The following NEK1 variants were observed in gnomAD, a reference collection of about 807,000 sequenced individuals.
NEK1 encodes serine/threonine-protein kinase Nek1.
In NEK1, 137 loss-of-function variants were observed where a neutral mutation model predicts 182.1. The ratio of observed to expected loss-of-function variants is 0.75; its 90% CI spans 0.65 to 0.87. NEK1 has a LOEUF of 0.87. NEK1 is among the 40% of genes least tolerant of loss of function. The probability of loss-of-function intolerance (pLI) is 0.00; values close to 1 mark genes in which losing one functional copy is unlikely to be tolerated. For synonymous variants in NEK1, 513 were observed against 492.2 expected (o/e 1.04, Z -0.56); for missense variants, 1,391 against 1,494.4 (o/e 0.93, Z 1.14).
chr4:169,424,740 T>G lies in NEK1; in HGVS notation c.3035A>C (p.Glu1012Ala), dbSNP rs375212680. The change falls in exon 31 of 36, where the codon GAA becomes GCA. Residue 1012 changes from glutamate (E) to alanine (A), a missense_variant. This residue lies in a region of NEK1 where 1,216 missense variants were observed against 1,277.6 expected (regional missense o/e 0.95). Coordinates refer to ENST00000507142, the MANE Select transcript of NEK1 (RefSeq NM_001199397.3). ...ATGAACCACCTTATGGAAAAATGGT[T>G]CCGGTTGCACAGACTTATCTACATC... ...KCDVDKSVQPEPFFHKVVHSE... is the reference protein window; with the variant it reads ...KCDVDKSVQPAPFFHKVVHSE... The G allele has an allele frequency of 2.5e-5, 40 of 1,613,734 alleles. No homozygotes were observed. In the African/African-American group the frequency reaches 4.4e-4, roughly 18 times the overall value.
intron 2 of NEK1, among the ~76,000 whole-genome samples, chr4:169,606,874 G>T (rs1560798747): frequency 6.6e-6 from 1 of 152,212 alleles, no homozygotes; most frequent in Admixed American, 6.5e-5. Flanking sequence ...CCGAAAGGTG[G>T]AAACATACTA....
intron 27 of NEK1, among the ~76,000 whole-genome samples, chr4:169,449,316 A>G (rs1426977062): frequency 6.6e-6 from 1 of 152,236 alleles, no homozygotes; most frequent in African/African-American, 2.4e-5. Flanking sequence ...TTCTCCCAGC[A>G]TGGTGCTTGA....
At chr4:169,477,543 T>A in intron 24 of NEK1, 46 bp from the exon 25 acceptor site, 1 of 1,362,162 alleles carries the variant, frequency 7.3e-7, no homozygotes, top group Non-Finnish European at 1.0e-6. Flanking sequence ...TTTATTTTTT[T>A]AAATCTACCT....
intron 12 of NEK1, among the ~76,000 whole-genome samples, chr4:169,574,423 G>A (rs907542145): frequency 4.0e-5 from 6 of 151,770 alleles, no homozygotes; most frequent in East Asian, 1.9e-4. Flanking sequence ...GTGAAACCCC[G>A]TCTCTAATAA....
In NEK1 at chr4:169,398,818, T is replaced by C. The variant is rs186444468; in HGVS notation, c.3847+1407A>G. Among the ~76,000 whole-genome samples the C allele has an allele frequency of 2.6e-5, 4 of 152,336 alleles. No homozygotes were observed. In the East Asian group the frequency reaches 5.8e-4, roughly 22 times the overall value. On this transcript the variant is annotated intron_variant, in intron 35 of 35. Coordinates refer to ENST00000507142, the MANE Select transcript of NEK1 (RefSeq NM_001199397.3). ...CAAATACATTTTATAAACATTTTTA[T>C]TGCTAAAATTAAGCATCAACATTTA...
intron 19 of NEK1, 84 bp downstream of exon 19, chr4:169,537,725 C>CG: frequency 9.7e-7 from 1 of 1,029,364 alleles, no homozygotes; most frequent in Non-Finnish European, 1.5e-6. Flanking sequence ...GACTGTCATT[C>CG]TTTTTACTTA....
At chr4:169,429,294 A>G (rs1736991744) in intron 29 of NEK1, among the ~76,000 whole-genome samples, 1 of 151,960 alleles carries the variant, frequency 6.6e-6, no homozygotes, top group Admixed American at 6.6e-5. Flanking sequence ...ATTGGCTGTG[A>G]CTCTCCTGGA....
At chr4:169,537,769 C>G (rs140656881) in intron 19 of NEK1, 40 bp downstream of exon 19, 5 of 1,433,504 alleles carry the variant, frequency 3.5e-6, no homozygotes, top group Non-Finnish European at 4.9e-6. Context: ...ACTTGGAATA[C>G]TAATACATTC....
At chr4:169,407,787 C>T (rs1298604590) in intron 31 of NEK1, among the ~76,000 whole-genome samples, 1 of 152,184 alleles carries the variant, frequency 6.6e-6, no homozygotes, top group African/African-American at 2.4e-5. Context: ...GAGGAAAACA[C>T]AATGTTTAGC....
intron 4 of NEK1, among the ~76,000 whole-genome samples, chr4:169,600,984 C>T (rs953674004): frequency 6.6e-6 from 1 of 151,654 alleles, no homozygotes; most frequent in African/African-American, 2.4e-5. Flanking sequence ...TTGTTAACAA[C>T]AACAAAAAAA....
intron 27 of NEK1, among the ~76,000 whole-genome samples, chr4:169,461,846 CT>C (rs1165669446): frequency 6.6e-6 from 1 of 152,054 alleles, no homozygotes; most frequent in Non-Finnish European, 1.5e-5. Context: ...CAAGAATGAT[CT>C]TTTTTTCCTT....
At chr4:169,525,941 A>C (rs1756829955) in intron 19 of NEK1, among the ~76,000 whole-genome samples, 2 of 152,232 alleles carry the variant, frequency 1.3e-5, no homozygotes, top group East Asian at 3.8e-4. Context: ...ACTCTGGGCC[A>C]GTTTTAAAAC....
At chr4:169,542,346 G>A (rs979668281) in intron 18 of NEK1, among the ~76,000 whole-genome samples, 26 of 152,130 alleles carry the variant, frequency 1.7e-4, no homozygotes, top group Admixed American at 1.3e-4. Flanking sequence ...TCTTTTTTAT[G>A]GCTGCATAGT....
At chr4:169,605,457 C>A (rs755240731) in intron 2 of NEK1, among the ~76,000 whole-genome samples, 7 of 151,996 alleles carry the variant, frequency 4.6e-5, no homozygotes, top group African/African-American at 7.3e-5. Flanking sequence ...TGTCAGTGTA[C>A]AATAAAGGAA....
At chr4:169,499,439 T>C (rs1752003301) in intron 23 of NEK1, among the ~76,000 whole-genome samples, 1 of 152,226 alleles carries the variant, frequency 6.6e-6, no homozygotes, top group African/African-American at 2.4e-5. Flanking sequence ...GTTCTGTTGC[T>C]GGTGAGGAGC....
intron 23 of NEK1, among the ~76,000 whole-genome samples, chr4:169,485,553 T>A (rs891260115): frequency 2.6e-5 from 4 of 152,156 alleles, no homozygotes; most frequent in African/African-American, 9.7e-5. Flanking sequence ...CACTAAGCCT[T>A]TTATACGGAA....
At chr4:169,446,356 A>G (rs1170952187) in intron 27 of NEK1, among the ~76,000 whole-genome samples, 1 of 152,166 alleles carries the variant, frequency 6.6e-6, no homozygotes, top group African/African-American at 2.4e-5. Context: ...AACAAATACT[A>G]CAGAAATGCA....
At position 169,583,744 on chromosome 4, in the gene NEK1, G is replaced by A. The variant is rs577507364; in HGVS notation, c.807+1605C>T. Among the ~76,000 whole-genome samples the A allele has an allele frequency of 5.3e-5, 8 of 152,232 alleles. No homozygotes were observed. In the South Asian group the frequency reaches 1.2e-3, roughly 24 times the overall value. On this transcript the variant is annotated intron_variant, in intron 10 of 35. Coordinates refer to ENST00000507142, the MANE Select transcript of NEK1 (RefSeq NM_001199397.3). ...TATGCTACATAATAAAAGTGTCCTCGCAAACGTTATTTATAACAAAGGAGT... is the reference window on the plus strand; with the variant it reads ...TATGCTACATAATAAAAGTGTCCTCACAAACGTTATTTATAACAAAGGAGT...
intron 19 of NEK1, among the ~76,000 whole-genome samples, chr4:169,535,062 G>A (rs999727042): frequency 2.0e-5 from 3 of 152,216 alleles, no homozygotes; most frequent in Admixed American, 6.5e-5. Flanking sequence ...GTTCACGTCT[G>A]TAATCTCAGC....
Sources: allele counts gnomAD v4.1 joint callset (sites outside exome capture counted in the v4.1 genomes callset), GRCh38; gene constraint gnomAD v4.1.1; regional missense constraint gnomAD v4.1.1; transcripts MANE v1.5; gene names NCBI Gene and HGNC (gene_info 2026-07-23, HGNC 2026-07-21).